Variants in ZNF490 observed in about 807,000 individuals in gnomAD.
ZNF490 encodes the protein zinc finger protein 490.
A neutral mutation model predicts 17.7 loss-of-function variants in ZNF490; 11 were observed. That is an observed-to-expected ratio of 0.62 (90% CI 0.39 to 1.03). ZNF490 has a LOEUF of 1.03. ZNF490 is among the 50% of genes least tolerant of loss of function. ZNF490 has a pLI of 0.00. For synonymous variants in ZNF490, 222 were observed against 216.1 expected (o/e 1.03, Z -0.24); for missense variants, 542 against 643.4 (o/e 0.84, Z 1.71).
intron 2 of ZNF490, among the ~76,000 whole-genome samples, chr19:12,605,495 A>C (rs1033152070): frequency 6.6e-6 from 1 of 152,124 alleles, no homozygotes; most frequent in Admixed American, 6.6e-5. Context: ...AAAAAAAAAA[A>C]AACACTTTGT....
intron 2 of ZNF490, 80 bp downstream of exon 2, chr19:12,609,078 A>G (rs1231284873): frequency 2.2e-6 from 3 of 1,393,520 alleles, no homozygotes; most frequent in Non-Finnish European, 3.0e-6. Context: ...CCCCCCACAA[A>G]GAGGTCATAG....
intron 2 of ZNF490, among the ~76,000 whole-genome samples, chr19:12,592,556 T>G (rs1251963587): frequency 1.3e-5 from 2 of 151,996 alleles, no homozygotes; most frequent in East Asian, 1.9e-4. Context: ...TGTCAAGAAT[T>G]TGGGAAGAGG....
At chr19:12,581,967 G>C (rs1446168072) in intron 4 of ZNF490, among the ~76,000 whole-genome samples, 1 of 152,156 alleles carries the variant, frequency 6.6e-6, no homozygotes, top group Non-Finnish European at 1.5e-5. Flanking sequence ...TGTTGCCCAG[G>C]CTGGAGTGCA....
At position 12,580,497 on chromosome 19, in the gene ZNF490, T is replaced by C. The variant is rs2022714424; in HGVS notation, c.1578A>G (p.Arg526=). 1 of 1,595,010 alleles carries C rather than the reference T, an allele frequency of 6.3e-7. No homozygotes were observed. The highest frequency in any genetic ancestry group is 2.2e-5 in the East Asian group (1 of 44,744). ...SLHVHERTHS[R]QKP ...ACACTTTACTTTCTTAGGGCTTCTGTCTACTATGAGTCCTTTCGTGCACGT... is the reference window on the plus strand; with the variant it reads ...ACACTTTACTTTCTTAGGGCTTCTGCCTACTATGAGTCCTTTCGTGCACGT... The change falls in exon 5 of 5, where the codon AGA becomes AGG. Residue 526 remains arginine (R), a synonymous_variant. Coordinates refer to ENST00000311437, the MANE Select transcript of ZNF490 (RefSeq NM_020714.3).
chr19:12,606,550 G>T (rs1404761867), intron 2 of ZNF490, among the ~76,000 whole-genome samples: 1 of 151,758 alleles, frequency 6.6e-6, no homozygotes, highest in Non-Finnish European at 1.5e-5. Flanking sequence ...TCGCCATGTT[G>T]GCCAGGCTGG....
rs1392527097 is a variant in ZNF490, at chr19:12,587,167, T to C, written c.163-3611A>G. On this transcript the variant is annotated intron_variant, in intron 2 of 4. Transcript: ENST00000311437. ...ACTTTGTTTTTTAGAGACAGGGCCA[T>C]GCTCTGTCACCCAGGCTGGAGTGCA... 1.2e-4 allele frequency among the ~76,000 whole-genome samples: 10 copies of C among 83,492 alleles called. 2 individuals are homozygous for C. Among genetic ancestry groups the C allele is most frequent in the African/African-American group, 3.6e-4 (10 of 27,734 alleles). 54.8% of individuals were successfully genotyped at this position (83,492 alleles called of 152,430 possible).
Position 12,578,678 on chromosome 19 carries a change from A to G in ZNF490, c.*1807T>C, listed in dbSNP as rs1004558285. 3.0e-6 allele frequency: 3 copies of G among 985,440 alleles called. No homozygotes were observed. The highest frequency in any genetic ancestry group is 3.6e-6 in the Non-Finnish European group (3 of 829,968). 61.0% of individuals were successfully genotyped at this position (985,440 alleles called of 1,614,324 possible). On this transcript the variant is annotated 3_prime_UTR_variant, in exon 5 of 5. Coordinates refer to ENST00000311437, the MANE Select transcript of ZNF490 (RefSeq NM_020714.3). ...AGAAGTACAGCATTCCCACAGTCTG[A>G]CCCGAGGACACTGATGGAAACTTAA...
rs1419868798 is a variant in ZNF490 at position 12,592,330 on chromosome 19, C to A, written c.163-8774G>T. ...GTACCAGCTACTCAGGGCACTGAGGCAGGAGGATCACTTGAGTCTGGGAGT... is the reference window on the plus strand; with the variant it reads ...GTACCAGCTACTCAGGGCACTGAGGAAGGAGGATCACTTGAGTCTGGGAGT... On this transcript the variant is annotated intron_variant, in intron 2 of 4. Coordinates refer to ENST00000311437, the MANE Select transcript of ZNF490 (RefSeq NM_020714.3). Among the ~76,000 whole-genome samples, 5 of 150,932 alleles carry A rather than the reference C, an allele frequency of 3.3e-5. No homozygotes were observed. In the Admixed American group the frequency reaches 3.3e-4, roughly 10 times the overall value.
At chr19:12,596,275 A>AAAAAAAAAC (rs2022932680) in intron 2 of ZNF490, among the ~76,000 whole-genome samples, 1 of 151,890 alleles carries the variant, frequency 6.6e-6, no homozygotes, top group African/African-American at 2.4e-5. Context: ...AAAAAAAAAA[A>AAAAAAAAAC]AAAAAGTGAT....
chr19:12,592,509 A>T (rs2022885204), intron 2 of ZNF490, among the ~76,000 whole-genome samples: 1 of 152,212 alleles, frequency 6.6e-6, no homozygotes, highest in Non-Finnish European at 1.5e-5. Context: ...ACATTCAGGA[A>T]AAGGCAAAAT....
chr19:12,593,246 GTTTT>G (rs201630407), intron 2 of ZNF490, among the ~76,000 whole-genome samples: 1 of 143,538 alleles, frequency 7.0e-6, no homozygotes, highest in Non-Finnish European at 1.5e-5. Context: ...AGTTTTGTGG[GTTTT>G]TTTTTTTTTC....
Position 12,580,811 on chromosome 19 carries a change from C to G in ZNF490, c.1264G>C (p.Glu422Gln), listed in dbSNP as rs1435744019. 6.2e-7 allele frequency: 1 copy of G among 1,614,036 alleles called. No individual in the cohort carries two copies. Among genetic ancestry groups the G allele is most frequent in the East Asian group, 2.2e-5 (1 of 44,894 alleles). The stretch of plus-strand genomic sequence containing the variant: ...GAATAAAGAAAGGCTTTACCACATT[C>G]TTTACATTCGTAAGTTTTCTCGCCA... ...HTGEKTYECK[E>Q]CGKAFLYSTH... The change falls in exon 5 of 5, where the codon GAA (glutamate) becomes CAA (glutamine). Residue 422 changes from glutamate to glutamine, a missense_variant. By Grantham distance (29) the Glu-to-Gln change is conservative. Coordinates refer to ENST00000311437, the MANE Select transcript of ZNF490 (RefSeq NM_020714.3).
At chr19:12,590,492 G>T (rs971319956) in intron 2 of ZNF490, among the ~76,000 whole-genome samples, 1 of 151,956 alleles carries the variant, frequency 6.6e-6, no homozygotes, top group African/African-American at 2.4e-5. Context: ...TAAAGTGCTG[G>T]ATTACAGGCA....
intron 2 of ZNF490, among the ~76,000 whole-genome samples, chr19:12,589,672 G>A (rs2022843808): frequency 6.6e-6 from 1 of 151,198 alleles, no homozygotes; most frequent in Non-Finnish European, 1.5e-5. Context: ...AAACTGGTGG[G>A]CTCCAGCAAT....
At chr19:12,607,871 A>G (rs1806381102) in intron 2 of ZNF490, among the ~76,000 whole-genome samples, 1 of 152,144 alleles carries the variant, frequency 6.6e-6, no homozygotes, top group African/African-American at 2.4e-5. Flanking sequence ...TGACCCAGAC[A>G]CTGAAAAATA....
chr19:12,591,261 T>C (rs1348961683), intron 2 of ZNF490, among the ~76,000 whole-genome samples: 1 of 152,012 alleles, frequency 6.6e-6, no homozygotes, highest in Non-Finnish European at 1.5e-5. Context: ...TGGTGGTGCA[T>C]GCCTGTAGTC....
At chr19:12,607,319 T>C (rs1296486024) in intron 2 of ZNF490, among the ~76,000 whole-genome samples, 1 of 151,184 alleles carries the variant, frequency 6.6e-6, no homozygotes, top group Non-Finnish European at 1.5e-5. Context: ...GCCTCCCAAA[T>C]AGCTGGGATT....
intron 2 of ZNF490, among the ~76,000 whole-genome samples, chr19:12,594,410 G>A (rs2022908514): frequency 6.6e-6 from 1 of 151,246 alleles, no homozygotes; most frequent in Non-Finnish European, 1.5e-5. Context: ...AGGTTGCAGT[G>A]AGCCGAGATT....
chr19:12,593,242 G>A (rs950582755), intron 2 of ZNF490, among the ~76,000 whole-genome samples: 1 of 150,610 alleles, frequency 6.6e-6, no homozygotes, highest in Non-Finnish European at 1.5e-5. Flanking sequence ...CCAGAGTTTT[G>A]TGGGTTTTTT....
Sources: allele counts gnomAD v4.1 joint callset (sites outside exome capture counted in the v4.1 genomes callset), GRCh38; gene constraint gnomAD v4.1.1; transcripts MANE v1.5; gene names NCBI Gene and HGNC (gene_info 2026-07-23, HGNC 2026-07-21).